LRP1B: variants seen among roughly 807,000 people sequenced by gnomAD.
LRP1B encodes the protein LDL receptor related protein 1B.
In LRP1B, 217 loss-of-function variants were observed where a neutral mutation model predicts 556.6. The ratio of observed to expected loss-of-function variants is 0.39; its 90% CI spans 0.35 to 0.44. The LOEUF (loss-of-function observed/expected upper bound fraction) is 0.44. LRP1B is among the 20% of genes least tolerant of loss of function. LRP1B has a pLI of 1.00. For missense variants in LRP1B, 5,053 were observed against 5,620.8 expected, an observed-to-expected ratio of 0.90 and a Z score of 3.23; for synonymous variants, 2,047 against 1,865.8, an observed-to-expected ratio of 1.10 and a Z score of -2.50.
At chr2:141,756,952 C>A (rs1384270739) in intron 2 of LRP1B, among the ~76,000 whole-genome samples, 1 of 152,070 alleles carries the variant, frequency 6.6e-6, no homozygotes, top group East Asian at 1.9e-4. Context: ...TCTATACACA[C>A]ATACACATAT....
chr2:140,702,701 G>T (rs1006050870), intron 37 of LRP1B, 148 bp from the exon 38 acceptor site: 1 of 683,434 alleles, frequency 1.5e-6, no homozygotes, highest in Non-Finnish European at 2.4e-6. Flanking sequence ...GTGTGCTTAT[G>T]GTTCCGATAA....
chr2:141,321,700 G>A (rs1225382850), intron 3 of LRP1B, among the ~76,000 whole-genome samples: 1 of 152,020 alleles, frequency 6.6e-6, no homozygotes, highest in Non-Finnish European at 1.5e-5. Flanking sequence ...TCCTTTTTTA[G>A]CTCTGAAGGA....
intron 2 of LRP1B, among the ~76,000 whole-genome samples, chr2:141,630,861 A>G (rs1427870474): frequency 6.6e-6 from 1 of 152,094 alleles, no homozygotes; most frequent in Non-Finnish European, 1.5e-5. Context: ...TGAGCTTCTT[A>G]ATTTTTTTCT....
At chr2:142,022,000 C>A (rs932104091) in intron 1 of LRP1B, among the ~76,000 whole-genome samples, 1 of 152,006 alleles carries the variant, frequency 6.6e-6, no homozygotes, top group African/African-American at 2.4e-5. Flanking sequence ...TTCATAAAAA[C>A]GTAAATTTGC....
At chr2:141,243,018 G>A (rs1197405930) in intron 5 of LRP1B, among the ~76,000 whole-genome samples, 1 of 151,912 alleles carries the variant, frequency 6.6e-6, no homozygotes. Context: ...TTTTAAAAAT[G>A]TTTTTATTTT....
chr2:140,436,594 A>G (rs1290208177), intron 66 of LRP1B, among the ~76,000 whole-genome samples: 1 of 144,088 alleles, frequency 6.9e-6, no homozygotes, highest in Non-Finnish European at 1.5e-5. Context: ...CTCCTATATT[A>G]TACTGCTCAC....
intron 3 of LRP1B, among the ~76,000 whole-genome samples, chr2:141,356,291 G>T (rs1055493356): frequency 4.6e-5 from 7 of 152,144 alleles, no homozygotes; most frequent in African/African-American, 7.2e-5. Flanking sequence ...CAATGATAAT[G>T]TCTTCCCTGG....
In LRP1B at chr2:140,541,838, C is replaced by T. The variant is rs534509333; in HGVS notation, c.7328G>A (p.Arg2443His). 1.7e-4 allele frequency: 268 copies of T among 1,612,630 alleles called. 1 individual carries two copies. The highest frequency in any genetic ancestry group is 2.2e-4 in the Non-Finnish European group (254 of 1,179,054). Residue 2443 changes from arginine (R) to histidine (H), a missense_variant, in exon 44 of 91, where the codon CGT becomes CAT. This residue lies in a region of LRP1B where 3,619 missense variants were observed against 3,931.9 expected (regional missense o/e 0.92). Coordinates refer to ENST00000389484, the MANE Select transcript of LRP1B (RefSeq NM_018557.3). ...CATTGGCTGATGTGGAATATCGGAACGAAGAATTTTTGTATCTCCTCCTGT... is the reference window on the plus strand; with the variant it reads ...CATTGGCTGATGTGGAATATCGGAATGAAGAATTTTTGTATCTCCTCCTGT... ...KYTGGDTKIL[R>H]SDIPHQPMGI...
chr2:141,208,140 GCT>G (rs774957625), intron 6 of LRP1B: 1 of 152,174 alleles, frequency 6.6e-6, no homozygotes, highest in Non-Finnish European at 1.5e-5. Context: ...CTTCTTGAAA[GCT>G]TTATCCATAT....
chr2:142,004,211 G>A (rs188076395), intron 1 of LRP1B, among the ~76,000 whole-genome samples: 29 of 152,196 alleles, frequency 1.9e-4, no homozygotes, highest in Admixed American at 1.8e-3. Context: ...TGAAACAGAA[G>A]CAAATGACCA....
intron 11 of LRP1B, among the ~76,000 whole-genome samples, chr2:141,029,582 A>G (rs1032914416): frequency 6.6e-6 from 1 of 152,116 alleles, no homozygotes; most frequent in African/African-American, 2.4e-5. Context: ...TTTCTCAGAA[A>G]GTGCTGATCT....
chr2:140,234,338 G>A (rs1573660215), intron 90 of LRP1B, among the ~76,000 whole-genome samples: 1 of 151,206 alleles, frequency 6.6e-6, no homozygotes, highest in African/African-American at 2.4e-5. Context: ...ATGTTTTTGA[G>A]AGTGGTTTTG....
intron 37 of LRP1B, among the ~76,000 whole-genome samples, chr2:140,714,651 T>C (rs1429392243): frequency 3.3e-5 from 5 of 152,132 alleles, no homozygotes; most frequent in Non-Finnish European, 5.9e-5. Flanking sequence ...TTCCAGTGTA[T>C]CTATGGGATT....
intron 60 of LRP1B, among the ~76,000 whole-genome samples, chr2:140,459,795 G>A (rs984763260): frequency 6.6e-6 from 1 of 152,068 alleles, no homozygotes; most frequent in African/African-American, 2.4e-5. Context: ...TGGATCATGG[G>A]GGCGGATTTC....
At chr2:141,975,743 G>A (rs191420570) in intron 1 of LRP1B, among the ~76,000 whole-genome samples, 2 of 152,216 alleles carry the variant, frequency 1.3e-5, no homozygotes, top group Admixed American at 1.3e-4. Context: ...ATTCAGCAAT[G>A]AAGGGAATGA....
At chr2:140,452,662 C>G (rs1011492171) in intron 62 of LRP1B, among the ~76,000 whole-genome samples, 1 of 152,064 alleles carries the variant, frequency 6.6e-6, no homozygotes, top group African/African-American at 2.4e-5. Context: ...AAACTATAGC[C>G]TAAGTTTAAT....
rs558480626 is a variant in LRP1B at position 141,608,117 on chromosome 2, G to C, written c.206-127584C>G. 1.2e-4 allele frequency among the ~76,000 whole-genome samples: 19 copies of C among 152,168 alleles called. No homozygotes were observed. In the East Asian group the frequency reaches 3.7e-3, roughly 30 times the overall value. The stretch of plus-strand genomic sequence containing the variant: ...TGCATGCCTGTAATCCCAGCTGCTT[G>C]TGAGGCTGAGGCAGGAGAATCGCTT... On this transcript the variant is annotated intron_variant, in intron 2 of 90. Coordinates refer to ENST00000389484, the MANE Select transcript of LRP1B (RefSeq NM_018557.3).
intron 6 of LRP1B, among the ~76,000 whole-genome samples, chr2:141,210,324 ATTATAC>A (rs1682487371): frequency 1.3e-5 from 2 of 151,862 alleles, no homozygotes; most frequent in Admixed American, 1.3e-4. Flanking sequence ...AATGACAATA[ATTATAC>A]TTAAAGAGAA....
intron 2 of LRP1B, among the ~76,000 whole-genome samples, chr2:141,671,724 T>C (rs576969743): frequency 6.6e-6 from 1 of 152,210 alleles, no homozygotes; most frequent in Non-Finnish European, 1.5e-5. Flanking sequence ...TGTGAACCTA[T>C]CATCTAGTAC....
Sources: gnomAD v4.1 joint callset for allele counts (sites outside exome capture counted in the v4.1 genomes callset) on GRCh38, gnomAD v4.1.1 for gene constraint, gnomAD v4.1.1 regional missense constraint, MANE v1.5 for transcripts, NCBI Gene and HGNC (gene_info 2026-07-23, HGNC 2026-07-21) for gene names.